SIKE1: variants seen among roughly 807,000 people sequenced by gnomAD.
The protein encoded by SIKE1 is suppressor of IKK epsilon.
A neutral mutation model predicts 25.8 loss-of-function variants in SIKE1; 13 were observed. The ratio of observed to expected loss-of-function variants is 0.50; its 90% CI spans 0.33 to 0.80. The LOEUF is 0.80. Among genes scored for constraint, SIKE1 ranks in the 30% least tolerant of loss-of-function variants. The pLI is 0.02. For synonymous variants in SIKE1, 86 were observed against 95.5 expected, an observed-to-expected ratio of 0.90 and a Z score of 0.58; for missense variants, 222 against 252.4, an observed-to-expected ratio of 0.88 and a Z score of 0.82.
At position 114,772,493 on chromosome 1, in the gene SIKE1, C is replaced by T. The variant is rs954982159; in HGVS notation, c.*1778G>A. 4 of 152,178 alleles carry T rather than the reference C, an allele frequency of 2.6e-5. No homozygotes were observed. The highest frequency in any genetic ancestry group is 4.4e-5 in the Non-Finnish European group (3 of 67,998). 9.4% of individuals were successfully genotyped at this position (152,178 alleles called of 1,614,324 possible). The stretch of plus-strand genomic sequence containing the variant: ...TTTGCAGGGGGAAAAGTTAGTATGT[C>T]GATTTATCCTAACACTTGAGATATA... On this transcript the variant is annotated 3_prime_UTR_variant, in exon 5 of 5. Coordinates refer to ENST00000060969, the MANE Select transcript of SIKE1 (RefSeq NM_025073.3).
intron 2 of SIKE1, among the ~76,000 whole-genome samples, 161 bp downstream of exon 2, chr1:114,779,949 T>C (rs1297271246): frequency 6.6e-6 from 1 of 152,212 alleles, no homozygotes; most frequent in Non-Finnish European, 1.5e-5. Flanking sequence ...CAGATGACCT[T>C]GAAAAGGGTA....
In SIKE1 at chr1:114,769,777, C is replaced by A. The variant is rs1422845579; in HGVS notation, c.*4494G>T. 3 of 151,948 alleles carry A rather than the reference C, an allele frequency of 2.0e-5. No homozygotes were observed. The highest frequency in any genetic ancestry group is 4.4e-5 in the Non-Finnish European group (3 of 67,982). 9.4% of individuals were successfully genotyped at this position (151,948 alleles called of 1,614,324 possible). A position where few individuals can be genotyped will look rare whatever the true frequency, so the allele number is the denominator to read the frequency against. On this transcript the variant is annotated 3_prime_UTR_variant, in exon 5 of 5. Transcript: ENST00000060969. The stretch of plus-strand genomic sequence containing the variant: ...ATTAAAAAGAGAGCGGGGGGGTCGG[C>A]AAAGATAGGAGAAGAGCTCAAATAG...
In SIKE1 at chr1:114,779,299, AAG is replaced by A; in HGVS notation, c.266-17_266-16del. On this transcript the variant is annotated splice_polypyrimidine_tract_variant and intron_variant, in intron 2 of 4. Transcript: ENST00000060969. ...AATCCATAGCTCTGTCAAAAAATAAAAGAACTTGGCAGTGATGTCTGAGAGAC... is the reference window on the plus strand; with the variant it reads ...AATCCATAGCTCTGTCAAAAAATAAAAACTTGGCAGTGATGTCTGAGAGAC... The A allele has an allele frequency of 6.2e-7, 1 of 1,609,538 alleles. No homozygotes were observed. The highest frequency in any genetic ancestry group is 8.5e-7 in the Non-Finnish European group (1 of 1,179,492).
chr1:114,778,238 CA>C (rs1388521614), intron 3 of SIKE1, among the ~76,000 whole-genome samples: 1 of 152,128 alleles, frequency 6.6e-6, no homozygotes, highest in African/African-American at 2.4e-5. Flanking sequence ...CAATGACAAC[CA>C]TGAAGCACCT....
At chr1:114,777,631 T>G (rs1261138739) in intron 3 of SIKE1, among the ~76,000 whole-genome samples, 1 of 152,164 alleles carries the variant, frequency 6.6e-6, no homozygotes, top group Non-Finnish European at 1.5e-5. Context: ...ATTTCAGAAA[T>G]AGAAGGCCAC....
At chr1:114,776,091 C>T (rs547537732) in intron 4 of SIKE1, among the ~76,000 whole-genome samples, 24 of 152,244 alleles carry the variant, frequency 1.6e-4, no homozygotes, top group African/African-American at 5.8e-4. Flanking sequence ...TAACTTCTCC[C>T]CTCCACTCCC....
At chr1:114,777,089 C>T (rs972529064) in intron 3 of SIKE1, among the ~76,000 whole-genome samples, 34 of 151,996 alleles carry the variant, frequency 2.2e-4, no homozygotes, top group Admixed American at 7.2e-4. Context: ...CATCACACAC[C>T]GGGGCCTGTC....
chr1:114,775,546 C>T (rs1335238740), intron 4 of SIKE1, among the ~76,000 whole-genome samples: 1 of 147,358 alleles, frequency 6.8e-6, no homozygotes, highest in South Asian at 2.2e-4. Flanking sequence ...CTCTGTCACT[C>T]GGTTGGAGTG....
chr1:114,774,208 T>C lies in SIKE1; in HGVS notation c.*63A>G. On this transcript the variant is annotated 3_prime_UTR_variant, in exon 5 of 5. Transcript: ENST00000060969. Reference sequence around the variant, plus strand: ...GGCAAGACACTTAATGGACAGTACTTGAATGGGAAGACAGTAACTTCCTTC... The same window carrying C: ...GGCAAGACACTTAATGGACAGTACTCGAATGGGAAGACAGTAACTTCCTTC... 1 of 1,319,718 alleles carries C rather than the reference T, an allele frequency of 7.6e-7. No individual in the cohort carries two copies. The highest frequency in any genetic ancestry group is 1.1e-6 in the Non-Finnish European group (1 of 919,560). 81.8% of individuals were successfully genotyped at this position (1,319,718 alleles called of 1,614,324 possible).
chr1:114,780,258 G>A, intron 1 of SIKE1, 43 bp from the exon 2 acceptor site: 1 of 1,564,372 alleles, frequency 6.4e-7, no homozygotes, highest in Middle Eastern at 1.7e-4. Context: ...AAAGAGAACA[G>A]CGGCAGATGC....
chr1:114,780,446 G>C lies in SIKE1; in HGVS notation c.159+3C>G. 6.2e-7 allele frequency: 1 copy of C among 1,609,710 alleles called. No individual in the cohort carries two copies. Among genetic ancestry groups the C allele is most frequent in the Non-Finnish European group, 8.5e-7 (1 of 1,179,988 alleles). ...AGCACTGGACTCCTACCCTCTGCCT[G>C]ACCTGGTCCGGAAGCGCTGTCCCCG... On this transcript the variant is annotated splice_donor_region_variant and intron_variant, in intron 1 of 4. Coordinates refer to ENST00000060969, the MANE Select transcript of SIKE1 (RefSeq NM_025073.3).
chr1:114,772,279 A>G lies in SIKE1; in HGVS notation c.*1992T>C, dbSNP rs1353374455. On this transcript the variant is annotated 3_prime_UTR_variant, in exon 5 of 5. Coordinates refer to ENST00000060969, the MANE Select transcript of SIKE1 (RefSeq NM_025073.3). ...TGTTAGAAAATATAATTTTGAACTA[A>G]GATTTTTGCAAACCAGGCAAGTTCT... 1.3e-5 allele frequency: 2 copies of G among 152,186 alleles called. No individual in the cohort carries two copies. The highest frequency in any genetic ancestry group is 4.8e-5 in the African/African-American group (2 of 41,444). 9.4% of individuals were successfully genotyped at this position (152,186 alleles called of 1,614,324 possible).
At chr1:114,775,660 C>T (rs1662217260) in intron 4 of SIKE1, among the ~76,000 whole-genome samples, 1 of 151,972 alleles carries the variant, frequency 6.6e-6, no homozygotes, top group Admixed American at 6.6e-5. Context: ...TGTGCACCAC[C>T]ACACCTGGCT....
chr1:114,774,302 G>A lies in SIKE1; in HGVS notation c.593C>T (p.Ser198Leu). ...SESLQARKEN[S>L]MDTASQAIK ...GATGGCTTGGGAAGCAGTGTCCATT[G>A]AGTTTTCCTTTCTGGCTTGAAGAGA... The change falls in exon 5 of 5, where the codon TCA (serine) becomes TTA (leucine). Residue 198 changes from serine (S) to leucine (L), a missense_variant. Physicochemically the swap from Ser to Leu is moderately radical, Grantham distance 145 (BLOSUM62 -2). Transcript: ENST00000060969. 1 of 1,612,146 alleles carries A rather than the reference G, an allele frequency of 6.2e-7. No homozygotes were observed. Among genetic ancestry groups the A allele is most frequent in the Non-Finnish European group, 8.5e-7 (1 of 1,178,688 alleles).
At position 114,780,593 on chromosome 1, in the gene SIKE1, G is replaced by A. The variant is rs768306724; in HGVS notation, c.15C>T (p.Ile5=). Residue 5 remains isoleucine (I), a synonymous_variant, in exon 1 of 5, where the codon ATC becomes ATT. Transcript: ENST00000060969. MSCT[I]EKILTDAKTL... is the part of the protein sequence containing the mutation. ...TCTTGGCGTCTGTCAGGATCTTCTC[G>A]ATGGTGCAGCTCATAGCAGCAGCAC... The A allele has an allele frequency of 6.2e-7, 1 of 1,610,390 alleles. No homozygotes were observed. Among genetic ancestry groups the A allele is most frequent in the Non-Finnish European group, 8.5e-7 (1 of 1,179,828 alleles).
At chr1:114,779,369 CTA>C in intron 2 of SIKE1, 85 bp from the exon 3 acceptor site, 2 of 1,315,292 alleles carry the variant, frequency 1.5e-6, no homozygotes, top group Non-Finnish European at 2.1e-6. Flanking sequence ...TTTTGTAACA[CTA>C]TATAGATAAT....
chr1:114,780,444 C>T lies in SIKE1; in HGVS notation c.159+5G>A. 6.2e-7 allele frequency: 1 copy of T among 1,609,792 alleles called. No homozygotes were observed. Among genetic ancestry groups the T allele is most frequent in the Non-Finnish European group, 8.5e-7 (1 of 1,180,008 alleles). On this transcript the variant is annotated splice_donor_5th_base_variant and intron_variant, in intron 1 of 4. Coordinates refer to ENST00000060969, the MANE Select transcript of SIKE1 (RefSeq NM_025073.3). ...AGAGCACTGGACTCCTACCCTCTGC[C>T]TGACCTGGTCCGGAAGCGCTGTCCC...
intron 2 of SIKE1, 41 bp from the exon 3 acceptor site, chr1:114,779,325 A>G: frequency 1.3e-6 from 2 of 1,599,882 alleles, no homozygotes; most frequent in African/African-American, 1.3e-5. Flanking sequence ...TGTCTGAGAG[A>G]CAGTTCCCAA....
At position 114,770,822 on chromosome 1, in the gene SIKE1, TCA is replaced by T. The variant is rs1662049018; in HGVS notation, c.*3447_*3448del. On this transcript the variant is annotated 3_prime_UTR_variant, in exon 5 of 5. Transcript: ENST00000060969. ...TTGACAATATAAAGTCACAGACATGTCACAGTCACAGACACTGTTAATTGCTT... is the reference window on the plus strand; with the variant it reads ...TTGACAATATAAAGTCACAGACATGTCAGTCACAGACACTGTTAATTGCTT... 1 of 152,256 alleles carries T rather than the reference TCA, an allele frequency of 6.6e-6. No homozygotes were observed. Among genetic ancestry groups the T allele is most frequent in the African/African-American group, 2.4e-5 (1 of 41,460 alleles). 9.4% of individuals were successfully genotyped at this position (152,256 alleles called of 1,614,324 possible). A position where few individuals can be genotyped will look rare whatever the true frequency, so the allele number is the denominator to read the frequency against.
Sources: allele counts gnomAD v4.1 joint callset (sites outside exome capture counted in the v4.1 genomes callset), GRCh38; gene constraint gnomAD v4.1.1; transcripts MANE v1.5; gene names NCBI Gene and HGNC (gene_info 2026-07-23, HGNC 2026-07-21).